The following TTC29 variants were observed in gnomAD, a reference collection of about 807,000 sequenced individuals.
TTC29 encodes tetratricopeptide repeat domain 29, also known as tetratricopeptide repeat protein 29.
TTC29 carries 49 observed loss-of-function variants against 58.1 expected under a neutral mutation model. The observed-to-expected ratio is 0.84, with a 90% CI of 0.67 to 1.07. TTC29 has a LOEUF of 1.07. Ranked by LOEUF, TTC29 falls within the 50% of genes least tolerant of loss-of-function variation. The probability of loss-of-function intolerance (pLI) is 0.00; values close to 1 mark genes in which losing one functional copy is unlikely to be tolerated. For missense variants in TTC29, 582 were observed against 555.6 expected (o/e 1.05, Z -0.48); for synonymous variants, 209 against 196.8 (o/e 1.06, Z -0.52).
chr4:146,738,851 A>G (rs1744913780), intron 11 of TTC29, among the ~76,000 whole-genome samples: 1 of 152,104 alleles, frequency 6.6e-6, no homozygotes, highest in South Asian at 2.1e-4. Flanking sequence ...AAGGTTGGGG[A>G]GCTTCTGGAT....
chr4:146,853,268 GATA>G (rs1729626188), intron 8 of TTC29, among the ~76,000 whole-genome samples: 1 of 151,958 alleles, frequency 6.6e-6, no homozygotes, highest in Admixed American at 6.6e-5. Flanking sequence ...AGCTTCTACA[GATA>G]ACCACCAAAA....
At chr4:146,860,418 T>A (rs1730150920) in intron 8 of TTC29, among the ~76,000 whole-genome samples, 1 of 152,074 alleles carries the variant, frequency 6.6e-6, no homozygotes, top group African/African-American at 2.4e-5. Context: ...CAAATAAAAA[T>A]TTTTGGAATA....
intron 11 of TTC29, among the ~76,000 whole-genome samples, chr4:146,765,779 T>C (rs992757837): frequency 1.2e-4 from 19 of 152,184 alleles, no homozygotes; most frequent in African/African-American, 4.6e-4. Flanking sequence ...TTTACCATTT[T>C]AAATGATGAT....
intron 4 of TTC29, among the ~76,000 whole-genome samples, chr4:146,931,708 C>T (rs1735349916): frequency 6.6e-6 from 1 of 152,064 alleles, no homozygotes; most frequent in African/African-American, 2.4e-5. Context: ...AGCTTAAACA[C>T]CATATGTGAA....
chr4:146,724,670 C>T (rs1456567979), intron 11 of TTC29, among the ~76,000 whole-genome samples: 4 of 151,972 alleles, frequency 2.6e-5, no homozygotes, highest in African/African-American at 7.2e-5. Flanking sequence ...CCCACCACCA[C>T]GCCTGGCTAA....
intron 4 of TTC29, among the ~76,000 whole-genome samples, chr4:146,935,923 T>C (rs1159737384): frequency 6.6e-6 from 1 of 152,198 alleles, no homozygotes; most frequent in Non-Finnish European, 1.5e-5. Context: ...GCTGAAATCA[T>C]TCATCAATTT....
intron 6 of TTC29, among the ~76,000 whole-genome samples, chr4:146,893,067 G>A (rs979443529): frequency 3.3e-5 from 5 of 152,164 alleles, no homozygotes; most frequent in African/African-American, 1.2e-4. Flanking sequence ...CATGCTCATG[G>A]ATAGGAAGAA....
At chr4:146,757,941 C>G (rs1321536689) in intron 11 of TTC29, among the ~76,000 whole-genome samples, 1 of 150,746 alleles carries the variant, frequency 6.6e-6, no homozygotes, top group Non-Finnish European at 1.5e-5. Flanking sequence ...AAAACAAAAA[C>G]AAAATACACA....
chr4:146,857,176 A>T (rs1729914651), intron 8 of TTC29, among the ~76,000 whole-genome samples: 1 of 152,168 alleles, frequency 6.6e-6, no homozygotes, highest in African/African-American at 2.4e-5. Flanking sequence ...GGTTTTAAAA[A>T]ACCCTTTCTT....
At chr4:146,821,834 G>A (rs1370400641) in intron 9 of TTC29, among the ~76,000 whole-genome samples, 1 of 152,216 alleles carries the variant, frequency 6.6e-6, no homozygotes, top group Non-Finnish European at 1.5e-5. Context: ...GGGGAATAAG[G>A]TTCCTGTGCT....
In TTC29 at chr4:146,738,402, T is replaced by C. The variant is rs1201211522; in HGVS notation, c.1331-30851A>G. On this transcript the variant is annotated intron_variant, in intron 11 of 12. Transcript: ENST00000325106. ...GTATTTGCCAAGACCACTCCTGCTT[T>C]TGGAGGCTGACAAGATTAAAAGGAA... 2.6e-5 allele frequency among the ~76,000 whole-genome samples: 4 copies of C among 152,152 alleles called. No homozygotes were observed. The East Asian group carries it at 7.7e-4, about 29-fold the overall frequency.
chr4:146,930,286 T>C (rs1374412074), intron 4 of TTC29, among the ~76,000 whole-genome samples: 1 of 151,710 alleles, frequency 6.6e-6, no homozygotes, highest in East Asian at 1.9e-4. Flanking sequence ...TTCTCTTTTT[T>C]ATTTCTTATA....
intron 8 of TTC29, among the ~76,000 whole-genome samples, chr4:146,859,773 T>C (rs1449464746): frequency 6.6e-6 from 1 of 152,112 alleles, no homozygotes; most frequent in Non-Finnish European, 1.5e-5. Context: ...CTTCTGAATA[T>C]CCTGTGATAG....
At chr4:146,905,796 G>T (rs1733484952) in intron 5 of TTC29, among the ~76,000 whole-genome samples, 1 of 152,150 alleles carries the variant, frequency 6.6e-6, no homozygotes, top group African/African-American at 2.4e-5. Flanking sequence ...ATATACATCA[G>T]CATGCTGAAT....
chr4:146,804,450 AC>A (rs1313061796), intron 10 of TTC29, among the ~76,000 whole-genome samples: 1 of 152,064 alleles, frequency 6.6e-6, no homozygotes, highest in Admixed American at 6.6e-5. Flanking sequence ...AGCGAATCCC[AC>A]CTGCAGGGAG....
intron 8 of TTC29, among the ~76,000 whole-genome samples, chr4:146,854,675 T>C (rs559443351): frequency 6.6e-6 from 1 of 152,174 alleles, no homozygotes; most frequent in African/African-American, 2.4e-5. Flanking sequence ...GGAAATCACA[T>C]ACAGAATTTC....
intron 8 of TTC29, among the ~76,000 whole-genome samples, chr4:146,848,499 G>T (rs1729317401): frequency 6.6e-6 from 1 of 152,180 alleles, no homozygotes; most frequent in South Asian, 2.1e-4. Flanking sequence ...ACACTCTTTA[G>T]TGGTTTATTT....
intron 11 of TTC29, among the ~76,000 whole-genome samples, chr4:146,800,532 A>G (rs921194242): frequency 6.6e-6 from 1 of 152,208 alleles, no homozygotes; most frequent in Non-Finnish European, 1.5e-5. Context: ...CAGATTTCCA[A>G]ATAATATTTT....
At chr4:146,719,996 T>C (rs1199344112) in intron 11 of TTC29, among the ~76,000 whole-genome samples, 1 of 152,148 alleles carries the variant, frequency 6.6e-6, no homozygotes, top group African/African-American at 2.4e-5. Flanking sequence ...TGCCCAGTGA[T>C]TGAATAAATC....
Sources: gnomAD v4.1 joint callset for allele counts (sites outside exome capture counted in the v4.1 genomes callset) on GRCh38, gnomAD v4.1.1 for gene constraint, MANE v1.5 for transcripts, NCBI Gene and HGNC (gene_info 2026-07-23, HGNC 2026-07-21) for gene names.